Variants in DPP6 observed in about 807,000 individuals in gnomAD.
DPP6 encodes dipeptidyl peptidase like 6, also known as A-type potassium channel modulatory protein DPP6.
DPP6 carries 69 observed loss-of-function variants against 122.6 expected under a neutral mutation model. The ratio of observed to expected loss-of-function variants is 0.56; its 90% CI spans 0.46 to 0.69. DPP6 has a LOEUF of 0.69. DPP6 is among the 30% of genes least tolerant of loss of function. The probability of loss-of-function intolerance (pLI) is 0.00; values close to 1 mark genes in which losing one functional copy is unlikely to be tolerated. For missense variants in DPP6, 928 were observed against 1,116.9 expected, an observed-to-expected ratio of 0.83 and a Z score of 2.41; for synonymous variants, 418 against 433.1, an observed-to-expected ratio of 0.97 and a Z score of 0.43.
chr7:154,173,750 C>T (rs1243372348), intron 1 of DPP6, among the ~76,000 whole-genome samples: 1 of 152,166 alleles, frequency 6.6e-6, no homozygotes, highest in Admixed American at 6.5e-5. Flanking sequence ...CGCAGACTCA[C>T]CCTTTCTGCA....
At chr7:154,211,436 C>G (rs529606855) in intron 1 of DPP6, among the ~76,000 whole-genome samples, 1 of 152,150 alleles carries the variant, frequency 6.6e-6, no homozygotes, top group African/African-American at 2.4e-5. Flanking sequence ...TGTTTCTTCC[C>G]GACCCCTTCG....
intron 2 of DPP6, among the ~76,000 whole-genome samples, chr7:154,459,140 T>TA (rs200379031): frequency 8.4e-6 from 1 of 119,740 alleles, no homozygotes; most frequent in South Asian, 2.9e-4. Flanking sequence ...AAATGCAGAT[T>TA]AAAAAAAAGA....
chr7:153,927,705 T>G (rs1800967049), intron 1 of DPP6, among the ~76,000 whole-genome samples: 1 of 152,138 alleles, frequency 6.6e-6, no homozygotes. Context: ...AAGAGTATAA[T>G]CCAACCACCC....
chr7:154,778,564 C>A (rs200396518), intron 10 of DPP6, among the ~76,000 whole-genome samples: 6,246 of 147,748 alleles, frequency 0.042, 198 homozygotes, highest in Non-Finnish European at 0.065. Flanking sequence ...CACCCCCCCC[C>A]AAAAAAAACC....
At chr7:153,837,931 C>A in the DPP6 span, among the ~76,000 whole-genome samples, 2 of 149,090 alleles carry the variant, frequency 1.3e-5, no homozygotes, top group South Asian at 4.3e-4. Context: ...GCCTTGGCCT[C>A]CCAAAGTGCC....
chr7:154,642,888 C>T (rs1435194293), intron 6 of DPP6, among the ~76,000 whole-genome samples: 5 of 152,016 alleles, frequency 3.3e-5, no homozygotes, highest in African/African-American at 9.7e-5. Context: ...GGTGGGAGAG[C>T]GAGACTCCAT....
At chr7:153,868,995 G>T in the DPP6 span, among the ~76,000 whole-genome samples, 4 of 152,294 alleles carry the variant, frequency 2.6e-5, no homozygotes, top group South Asian at 8.3e-4. Context: ...GTTCTAGTTT[G>T]ATTGCACTGT....
At chr7:154,193,771 C>T (rs1171699835) in intron 1 of DPP6, among the ~76,000 whole-genome samples, 1 of 151,958 alleles carries the variant, frequency 6.6e-6, no homozygotes, top group South Asian at 2.1e-4. Context: ...GTAGCATTAT[C>T]AAGTTCAAGC....
chr7:154,580,632 A>G (rs1262108342), intron 5 of DPP6, among the ~76,000 whole-genome samples: 1 of 152,164 alleles, frequency 6.6e-6, no homozygotes, highest in Non-Finnish European at 1.5e-5. Flanking sequence ...GCTGAGGCCC[A>G]TGGTCCCAAA....
At chr7:154,287,283 G>C (rs756116023) in intron 1 of DPP6, among the ~76,000 whole-genome samples, 1 of 152,186 alleles carries the variant, frequency 6.6e-6, no homozygotes, top group Non-Finnish European at 1.5e-5. Flanking sequence ...TGACCACAGA[G>C]GGAAGGAGAA....
intron 1 of DPP6, among the ~76,000 whole-genome samples, chr7:154,414,854 A>T (rs1816888135): frequency 6.6e-6 from 1 of 152,210 alleles, no homozygotes; most frequent in African/African-American, 2.4e-5. Context: ...ATAGAGATAC[A>T]CGAGTCCAAA....
the DPP6 span, among the ~76,000 whole-genome samples, chr7:153,768,357 GA>G: frequency 6.6e-6 from 1 of 152,002 alleles, no homozygotes; most frequent in East Asian, 1.9e-4. Context: ...GTAATCTCAG[GA>G]AGTGCATTTG....
At chr7:153,866,950 A>G in the DPP6 span, among the ~76,000 whole-genome samples, 1 of 152,234 alleles carries the variant, frequency 6.6e-6, no homozygotes, top group East Asian at 1.9e-4. Context: ...GTCAAAGATC[A>G]GATAGTTGTA....
intron 1 of DPP6, among the ~76,000 whole-genome samples, chr7:153,969,196 G>A (rs1026895599): frequency 5.3e-5 from 8 of 151,256 alleles, no homozygotes; most frequent in Non-Finnish European, 8.8e-5. Context: ...ACCTTGCCAC[G>A]TTAGAATGAC....
At chr7:153,830,205 G>A in the DPP6 span, among the ~76,000 whole-genome samples, 1 of 152,170 alleles carries the variant, frequency 6.6e-6, no homozygotes, top group Non-Finnish European at 1.5e-5. Context: ...GTGGATTGAT[G>A]GCAGAACATT....
the DPP6 span, among the ~76,000 whole-genome samples, chr7:153,870,339 CTTGT>C: frequency 6.6e-6 from 1 of 152,108 alleles, no homozygotes; most frequent in Admixed American, 6.6e-5. Flanking sequence ...TCTTGGAGGA[CTTGT>C]TTGTTTCTTT....
At chr7:153,886,280 C>T (rs1366081024), upstream of DPP6, among the ~76,000 whole-genome samples, 1 of 152,152 alleles carries the variant, frequency 6.6e-6, no homozygotes, top group Non-Finnish European at 1.5e-5. Context: ...GGGAGCCAAC[C>T]GCGTTTGTGA....
intron 6 of DPP6, among the ~76,000 whole-genome samples, chr7:154,667,494 G>A (rs1348303406): frequency 3.9e-5 from 6 of 152,180 alleles, no homozygotes; most frequent in South Asian, 2.1e-4. Context: ...TTGGGAGGCC[G>A]AGGCAGACGG....
At chr7:154,418,704 G>A (rs996106488) in intron 1 of DPP6, among the ~76,000 whole-genome samples, 2 of 152,176 alleles carry the variant, frequency 1.3e-5, no homozygotes, top group Non-Finnish European at 2.9e-5. Context: ...CTTGGGAAAT[G>A]CTATGTTAAA....
Sources: gnomAD v4.1 joint callset for allele counts (sites outside exome capture counted in the v4.1 genomes callset) on GRCh38, gnomAD v4.1.1 for gene constraint, MANE v1.5 for transcripts, NCBI Gene and HGNC (gene_info 2026-07-23, HGNC 2026-07-21) for gene names.